Variants in ASPH observed in about 807,000 individuals in gnomAD.
ASPH encodes the protein aspartyl/asparaginyl beta-hydroxylase.
ASPH carries 100 observed loss-of-function variants against 118.4 expected under a neutral mutation model. That is an observed-to-expected ratio of 0.84 (90% CI 0.72 to 1.00). The LOEUF is 1.00. Among genes scored for constraint, ASPH ranks in the 50% least tolerant of loss-of-function variants. ASPH has a pLI of 0.00. For synonymous variants in ASPH, 315 were observed against 325.6 expected (o/e 0.97, Z 0.35); for missense variants, 920 against 919.5 (o/e 1.00, Z -0.01).
At position 61,562,898 on chromosome 8, in the gene ASPH, T is replaced by A. The variant is rs550440926; in HGVS notation, c.1301-18A>T. On this transcript the variant is annotated intron_variant, in intron 17 of 24. Transcript: ENST00000379454. ...CATATGACCTGAGTAGGTGGGAATT[T>A]AAAAAAAATAGAAATAAAAACAGAT... The A allele has an allele frequency of 1.1e-5, 17 of 1,553,784 alleles. No homozygotes were observed. The highest frequency in any genetic ancestry group is 2.3e-5 in the East Asian group (1 of 42,916).
intron 6 of ASPH, 30 bp downstream of exon 6, chr8:61,646,720 A>T: frequency 6.3e-7 from 1 of 1,595,752 alleles, no homozygotes; most frequent in South Asian, 1.1e-5. Flanking sequence ...ATTATATTTT[A>T]TCCTAAAACT....
At chr8:61,618,894 T>C in intron 14 of ASPH, 84 bp downstream of exon 14, 1 of 1,218,372 alleles carries the variant, frequency 8.2e-7, no homozygotes, top group African/African-American at 1.5e-5. Context: ...TGACATAAAA[T>C]CATGTTATTC....
chr8:61,518,016 A>G lies in ASPH; in HGVS notation c.1992+16T>C. On this transcript the variant is annotated intron_variant, in intron 23 of 24. Coordinates refer to ENST00000379454, the MANE Select transcript of ASPH (RefSeq NM_004318.4). ...AACAATTAATTGTATTCTCCCCAGCACGACACTCTTGGTACCTGTCCTCTT... is the reference window on the plus strand; with the variant it reads ...AACAATTAATTGTATTCTCCCCAGCGCGACACTCTTGGTACCTGTCCTCTT... 2 of 1,599,956 alleles carry G rather than the reference A, an allele frequency of 1.3e-6. No individual in the cohort carries two copies. Among genetic ancestry groups the G allele is most frequent in the Non-Finnish European group, 1.7e-6 (2 of 1,167,846 alleles).
chr8:61,646,843 T>C lies in ASPH; in HGVS notation c.526A>G (p.Thr176Ala). Reference protein sequence around the residue: ...GEDLQQEDGPTGEPQQEDDEF... With the variant: ...GEDLQQEDGPAGEPQQEDDEF... ...TCATCCTCTTGTTGTGGTTCTCCTG[T>C]GGGTCCATCTTCTTGTTGCAAGTCT... The change falls in exon 6 of 25, where the codon ACA (threonine) becomes GCA (alanine). Residue 176 changes from threonine to alanine, a missense_variant. By Grantham distance (58) the Thr-to-Ala change is moderately conservative. Coordinates refer to ENST00000379454, the MANE Select transcript of ASPH (RefSeq NM_004318.4). The C allele has an allele frequency of 6.2e-7, 1 of 1,613,950 alleles. No individual in the cohort carries two copies. Among genetic ancestry groups the C allele is most frequent in the Non-Finnish European group, 8.5e-7 (1 of 1,179,896 alleles).
chr8:61,578,694 C>T (rs1346376782), intron 15 of ASPH: 3 of 1,606,744 alleles, frequency 1.9e-6, no homozygotes, highest in South Asian at 2.2e-5. Flanking sequence ...CCAGGAGAAG[C>T]TGAAGCTGGA....
intron 15 of ASPH, chr8:61,579,234 G>GAGC: frequency 6.2e-7 from 1 of 1,613,856 alleles, no homozygotes; most frequent in Non-Finnish European, 8.5e-7. Flanking sequence ...TGCAGATGCC[G>GAGC]AGCAGCGTGG....
At chr8:61,586,578 G>T (rs952082807) in intron 14 of ASPH, among the ~76,000 whole-genome samples, 1 of 152,052 alleles carries the variant, frequency 6.6e-6, no homozygotes, top group African/African-American at 2.4e-5. Flanking sequence ...CCAGTCGCCC[G>T]GCCACACACT....
At chr8:61,624,994 T>G in intron 13 of ASPH, 1 of 985,554 alleles carries the variant, frequency 1.0e-6, no homozygotes. Context: ...TCTATAGTGA[T>G]AAAAATATAG....
chr8:61,684,035 T>TTA lies in ASPH; in HGVS notation c.253+2_253+3dup, dbSNP rs1226561085. 3 of 1,612,986 alleles carry TTA rather than the reference T, an allele frequency of 1.9e-6. No individual in the cohort carries two copies. The highest frequency in any genetic ancestry group is 2.5e-6 in the Non-Finnish European group (3 of 1,179,480). ...AATTCACATAAGGATATCAAAATTC[T>TTA]TACCTAGAACTTCCTCATAGTCAAC... is the stretch of plus-strand genomic sequence containing the variant. On this transcript the variant is annotated splice_donor_region_variant and intron_variant, in intron 2 of 24. Transcript: ENST00000379454.
intron 13 of ASPH, among the ~76,000 whole-genome samples, chr8:61,620,859 G>A (rs559597346): frequency 6.6e-6 from 1 of 152,316 alleles, no homozygotes; most frequent in African/African-American, 2.4e-5. Flanking sequence ...GGTCATGAAG[G>A]GGAGTTTAGG....
intron 24 of ASPH, chr8:61,517,288 A>G: frequency 2.1e-6 from 1 of 467,962 alleles, no homozygotes; most frequent in South Asian, 4.3e-5. Context: ...CAGCTCCTCA[A>G]CTAGATAAGT....
intron 3 of ASPH, chr8:61,664,477 T>A: frequency 5.1e-6 from 5 of 984,752 alleles, no homozygotes; most frequent in Non-Finnish European, 6.0e-6. Context: ...TTCATGGCTA[T>A]GGCCACAGTT....
intron 3 of ASPH, chr8:61,675,316 CTT>C (rs1336259264): frequency 1.1e-6 from 1 of 916,634 alleles, no homozygotes; most frequent in East Asian, 1.2e-4. Flanking sequence ...CATGTTCCCT[CTT>C]GTGTAATATG....
rs539264279 is a variant in ASPH at position 61,580,312 on chromosome 8, C to T, written c.1063-3454G>A. Reference sequence around the variant, plus strand: ...GATCCAACCCCACATTTCCCTTCTACGCTGCCCTAGCAGAGGTTCTCCATG... The same window carrying T: ...GATCCAACCCCACATTTCCCTTCTATGCTGCCCTAGCAGAGGTTCTCCATG... On this transcript the variant is annotated intron_variant, in intron 15 of 24. Transcript: ENST00000379454. 8.1e-4 allele frequency among the ~76,000 whole-genome samples: 124 copies of T among 152,312 alleles called. 2 individuals carry two copies. Among genetic ancestry groups the T allele is most frequent in the Non-Finnish European group, 1.4e-3 (98 of 68,020 alleles).
chr8:61,663,704 C>A (rs1399648095), intron 3 of ASPH: 2 of 978,178 alleles, frequency 2.0e-6, no homozygotes, highest in African/African-American at 1.8e-5. Flanking sequence ...GTTACAATAT[C>A]TTCAGGCCTT....
intron 6 of ASPH, among the ~76,000 whole-genome samples, chr8:61,645,900 T>TAA (rs1807692068): frequency 6.6e-6 from 1 of 152,352 alleles, no homozygotes; most frequent in East Asian, 1.9e-4. Context: ...AAGTGTTTGC[T>TAA]AACTGGACAC....
At chr8:61,625,853 T>C in intron 13 of ASPH, 2 of 996,132 alleles carry the variant, frequency 2.0e-6, no homozygotes, top group Non-Finnish European at 2.4e-6. Context: ...TAACACAGTG[T>C]ACACAAGTCA....
intron 3 of ASPH, 97 bp from the exon 4 acceptor site, chr8:61,653,757 G>C: frequency 8.2e-7 from 1 of 1,213,706 alleles, no homozygotes; most frequent in Non-Finnish European, 1.1e-6. Flanking sequence ...TTAATTAATA[G>C]TGCTGCTAAT....
At chr8:61,619,451 T>A (rs1039183388) in intron 13 of ASPH, among the ~76,000 whole-genome samples, 10 of 152,200 alleles carry the variant, frequency 6.6e-5, no homozygotes, top group Non-Finnish European at 1.3e-4. Context: ...GAATGCAGCA[T>A]GTCACACTGC....
Sources: gnomAD v4.1 joint callset for allele counts (sites outside exome capture counted in the v4.1 genomes callset) on GRCh38, gnomAD v4.1.1 for gene constraint, MANE v1.5 for transcripts, NCBI Gene and HGNC (gene_info 2026-07-23, HGNC 2026-07-21) for gene names.